The following PPM1H variants were observed in gnomAD, a reference collection of about 807,000 sequenced individuals.
PPM1H encodes the protein protein phosphatase, Mg2+/Mn2+ dependent 1H.
In PPM1H, 27 loss-of-function variants were observed where a neutral mutation model predicts 54.9. The ratio of observed to expected loss-of-function variants is 0.49; its 90% confidence interval spans 0.36 to 0.68. The LOEUF (loss-of-function observed/expected upper bound fraction) is 0.68, where lower values mean the gene tolerates loss of function less well. Among genes scored for constraint, PPM1H ranks in the 30% least tolerant of loss-of-function variants. PPM1H has a pLI of 0.00. For synonymous variants in PPM1H, 305 were observed against 270.8 expected (o/e 1.13, Z -1.24); for missense variants, 596 against 667.8 (o/e 0.89, Z 1.19).
chr12:62,833,936 T>TA (rs1292202240), intron 1 of PPM1H, among the ~76,000 whole-genome samples: 1 of 152,194 alleles, frequency 6.6e-6, no homozygotes, highest in Non-Finnish European at 1.5e-5. Context: ...TATTTGCAAT[T>TA]ACTTATCTGA....
intron 9 of PPM1H, among the ~76,000 whole-genome samples, chr12:62,654,574 C>T (rs1029077393): frequency 2.6e-5 from 4 of 152,160 alleles, no homozygotes; most frequent in Admixed American, 6.5e-5. Context: ...GCCGCTTGGC[C>T]GCTTGGTCCT....
At chr12:62,908,407 CAAAAAAAAA>C (rs751766456) in intron 1 of PPM1H, among the ~76,000 whole-genome samples, 1 of 96,896 alleles carries the variant, frequency 1.0e-5, no homozygotes, top group African/African-American at 4.0e-5. Flanking sequence ...GACTCCGTCT[CAAAAAAAAA>C]AAAAAAAAAG....
chr12:62,680,803 T>G (rs2076015324), intron 8 of PPM1H, among the ~76,000 whole-genome samples: 1 of 152,234 alleles, frequency 6.6e-6, no homozygotes, highest in Non-Finnish European at 1.5e-5. Flanking sequence ...TGGAGGAGGT[T>G]TGTTTTGTAA....
intron 4 of PPM1H, chr12:62,755,776 C>A: frequency 1.1e-6 from 1 of 936,646 alleles, no homozygotes; most frequent in South Asian, 1.5e-5. Flanking sequence ...CCATCACTGC[C>A]ACCCAGAAGA....
At chr12:62,856,845 G>T (rs147818109) in intron 1 of PPM1H, among the ~76,000 whole-genome samples, 1 of 152,240 alleles carries the variant, frequency 6.6e-6, no homozygotes, top group African/African-American at 2.4e-5. Flanking sequence ...ATGGGATCTT[G>T]TGGCTTTTTG....
At chr12:62,810,941 C>A (rs1565795687) in intron 2 of PPM1H, among the ~76,000 whole-genome samples, 1 of 152,158 alleles carries the variant, frequency 6.6e-6, no homozygotes, top group African/African-American at 2.4e-5. Flanking sequence ...ATGCTGGGCA[C>A]TAGAGATACA....
chr12:62,917,949 A>G (rs750370415), intron 1 of PPM1H, among the ~76,000 whole-genome samples: 9 of 152,208 alleles, frequency 5.9e-5, no homozygotes, highest in African/African-American at 9.7e-5. Context: ...GTTAAAATGC[A>G]TATTCAGAGA....
intron 1 of PPM1H, among the ~76,000 whole-genome samples, chr12:62,879,913 T>C (rs559379079): frequency 6.6e-6 from 1 of 152,320 alleles, no homozygotes; most frequent in African/African-American, 2.4e-5. Context: ...CTCAGGTGAT[T>C]GTGCTGGGCA....
intron 9 of PPM1H, among the ~76,000 whole-genome samples, chr12:62,657,620 G>T (rs2075852328): frequency 6.6e-6 from 1 of 152,196 alleles, no homozygotes; most frequent in Admixed American, 6.5e-5. Context: ...ATGGTGAAAA[G>T]TGGAGGAAAC....
At chr12:62,790,127 G>A (rs1449103545) in intron 3 of PPM1H, among the ~76,000 whole-genome samples, 1 of 152,154 alleles carries the variant, frequency 6.6e-6, no homozygotes, top group African/African-American at 2.4e-5. Context: ...GCTTCAACCA[G>A]ACTCCTCATG....
chr12:62,929,301 G>T (rs1207367783), intron 1 of PPM1H, among the ~76,000 whole-genome samples: 1 of 152,120 alleles, frequency 6.6e-6, no homozygotes, highest in African/African-American at 2.4e-5. Flanking sequence ...CATCAATTGA[G>T]AGAAATAATG....
At chr12:62,886,189 T>C (rs1565819882) in intron 1 of PPM1H, among the ~76,000 whole-genome samples, 1 of 152,242 alleles carries the variant, frequency 6.6e-6, no homozygotes, top group African/African-American at 2.4e-5. Context: ...ATATCTCATA[T>C]GGTTTCTGAC....
intron 1 of PPM1H, among the ~76,000 whole-genome samples, chr12:62,885,238 T>A (rs1174038111): frequency 6.6e-6 from 1 of 152,032 alleles, no homozygotes; most frequent in Admixed American, 6.6e-5. Context: ...CGATTCAAGT[T>A]GAGATTTGGG....
At chr12:62,795,727 C>T (rs768929906) in intron 3 of PPM1H, among the ~76,000 whole-genome samples, 2 of 150,668 alleles carry the variant, frequency 1.3e-5, no homozygotes, top group Non-Finnish European at 3.0e-5. Context: ...CCACCACGCC[C>T]AGCCTTGTTT....
At chr12:62,765,009 G>A (rs1320066357) in intron 4 of PPM1H, among the ~76,000 whole-genome samples, 1 of 152,216 alleles carries the variant, frequency 6.6e-6, no homozygotes, top group Non-Finnish European at 1.5e-5. Context: ...GAAGGACCTT[G>A]CAGGTCATCA....
At chr12:62,761,554 T>C (rs2076509283) in intron 4 of PPM1H, among the ~76,000 whole-genome samples, 1 of 152,194 alleles carries the variant, frequency 6.6e-6, no homozygotes, top group Admixed American at 6.5e-5. Context: ...CTATGTTTTG[T>C]ACTAAGGTAG....
chr12:62,770,133 T>C (rs1481647216), intron 4 of PPM1H, among the ~76,000 whole-genome samples: 3 of 152,116 alleles, frequency 2.0e-5, no homozygotes, highest in African/African-American at 7.2e-5. Flanking sequence ...TTTTTATTTT[T>C]TTTCCACCTG....
intron 6 of PPM1H, among the ~76,000 whole-genome samples, chr12:62,707,058 C>G (rs890992325): frequency 6.6e-6 from 1 of 152,152 alleles, no homozygotes; most frequent in Non-Finnish European, 1.5e-5. Flanking sequence ...GCCCAGTTTT[C>G]TATAGGGTGA....
intron 1 of PPM1H, among the ~76,000 whole-genome samples, chr12:62,906,522 C>T (rs186729043): frequency 7.9e-5 from 12 of 152,202 alleles, no homozygotes; most frequent in East Asian, 5.8e-4. Flanking sequence ...ATAGTTTGAG[C>T]GCTAAATTAC....
Sources: gnomAD v4.1 joint callset for allele counts (sites outside exome capture counted in the v4.1 genomes callset) on GRCh38, gnomAD v4.1.1 for gene constraint, MANE v1.5 for transcripts, NCBI Gene and HGNC (gene_info 2026-07-23, HGNC 2026-07-21) for gene names.